The following DAPK3 variants were observed in gnomAD, a reference collection of about 807,000 sequenced individuals.
DAPK3 encodes death associated protein kinase 3, also known as death-associated protein kinase 3.
In DAPK3, 24 loss-of-function variants were observed where a neutral mutation model predicts 30.6. The observed-to-expected ratio is 0.78, with a 90% CI of 0.57 to 1.10. The LOEUF is 1.10. DAPK3 is among the 50% of genes least tolerant of loss of function. The pLI is 0.00. For synonymous variants in DAPK3, 341 were observed against 284.0 expected (o/e 1.20, Z -2.02); for missense variants, 629 against 657.3 (o/e 0.96, Z 0.47).
rs533512092 is a variant in DAPK3, at chr19:3,960,648, G to C, written c.782+361C>G. ...ACAAAAATTAGCCAGGCGTGGTGGC[G>C]GGCGTCTATAATCCCAGCTACTTGG... On this transcript the variant is annotated intron_variant, in intron 7 of 8. Coordinates refer to ENST00000545797, the MANE Select transcript of DAPK3 (RefSeq NM_001348.3). Among the ~76,000 whole-genome samples the C allele has an allele frequency of 6.6e-5, 10 of 151,896 alleles. 2 individuals are homozygous for C. Among genetic ancestry groups the C allele is most frequent in the Admixed American group, 6.6e-4 (10 of 15,238 alleles).
At chr19:3,959,905 C>G in intron 8 of DAPK3, 154 bp downstream of exon 8, 1 of 676,006 alleles carries the variant, frequency 1.5e-6, no homozygotes, top group South Asian at 1.7e-5. Flanking sequence ...CGCCCAGGAC[C>G]CAACCCCCGC....
chr19:3,964,962 C>CGG lies in DAPK3; in HGVS notation c.90_91dup (p.Arg31ProfsTer27). On this transcript the variant is annotated frameshift_variant, in exon 3 of 9. Transcript: ENST00000545797. LOFTEE classifies it high-confidence loss of function. ...GTACTCCTTGCCCGTGCCCTTCTGC[C>CGG]GGCACTTCCGCACGATCGCAAACTG... 6.2e-7 allele frequency: 1 copy of CGG among 1,609,734 alleles called. No individual in the cohort carries two copies. Among genetic ancestry groups the CGG allele is most frequent in the Non-Finnish European group, 8.5e-7 (1 of 1,177,740 alleles).
chr19:3,961,541 A>G (rs756962558), intron 6 of DAPK3: 1 of 498,598 alleles, frequency 2.0e-6, no homozygotes, highest in East Asian at 5.9e-5. Flanking sequence ...CCCGGCAGTG[A>G]GAGGCCCCAA....
Position 3,959,224 on chromosome 19 carries a change from G to A in DAPK3, c.1242C>T (p.Ser414=). The change falls in exon 9 of 9, where the codon AGC becomes AGT. Residue 414 remains serine (S), a synonymous_variant. Transcript: ENST00000545797. ...LGTSGLKRRF[S]RLENRYEALA... is the part of the protein sequence containing the mutation. ...GCGCCTCGTAGCGGTTCTCCAGGCG[G>A]CTGAAGCGGCGCTTGAGGCCGCTGG... The A allele has an allele frequency of 6.2e-7, 1 of 1,600,354 alleles. No homozygotes were observed. Among genetic ancestry groups the A allele is most frequent in the Non-Finnish European group, 8.5e-7 (1 of 1,178,010 alleles).
chr19:3,959,840 T>C (rs190711922), intron 8 of DAPK3: 24 of 666,384 alleles, frequency 3.6e-5, no homozygotes, highest in Non-Finnish European at 4.8e-5. Flanking sequence ...GTCAGCCCCG[T>C]TGGACACACA....
rs2039549977 is a variant in DAPK3 at position 3,964,232 on chromosome 19, G to A, written c.553+12C>T. 2.5e-6 allele frequency: 4 copies of A among 1,602,952 alleles called. No individual in the cohort carries two copies. In the South Asian group the frequency reaches 4.4e-5, roughly 18 times the overall value. On this transcript the variant is annotated intron_variant, in intron 4 of 8. Transcript: ENST00000545797. Reference sequence around the variant, plus strand: ...TCCCCAGGCCGGGGCTGCCCACTGGGCAGGGCCTCACCCACAAACTCCGGG... The same window carrying A: ...TCCCCAGGCCGGGGCTGCCCACTGGACAGGGCCTCACCCACAAACTCCGGG...
At position 3,958,913 on chromosome 19, in the gene DAPK3, C is replaced by A. The variant is rs769138916; in HGVS notation, c.*188G>T. ...GCGTGGAGGCTGTGTAGAGAAGCAG[C>A]CCCGTCCCACACCCACCCCTGCCTG... On this transcript the variant is annotated 3_prime_UTR_variant, in exon 9 of 9. Coordinates refer to ENST00000545797, the MANE Select transcript of DAPK3 (RefSeq NM_001348.3). The A allele has an allele frequency of 8.6e-6, 5 of 583,186 alleles. No individual in the cohort carries two copies. Among genetic ancestry groups the A allele is most frequent in the Non-Finnish European group, 1.5e-5 (5 of 329,590 alleles). The allele number at this position is 583,186 out of a possible 1,614,324, so 36.1% of individuals were successfully genotyped here. A position where few individuals can be genotyped will look rare whatever the true frequency, so the allele number is the denominator to read the frequency against.
chr19:3,963,605 G>A, intron 6 of DAPK3, 38 bp downstream of exon 6: 2 of 1,390,760 alleles, frequency 1.4e-6, no homozygotes, highest in South Asian at 1.4e-5. Context: ...CATGCCAGCT[G>A]TGTTGCACAG....
rs552077321 is a variant in DAPK3 at position 3,963,894 on chromosome 19, C to G, written c.579G>C (p.Pro193=). 1.9e-6 allele frequency: 3 copies of G among 1,602,920 alleles called. No homozygotes were observed. The East Asian group carries it at 6.7e-5, about 36-fold the overall frequency. The change falls in exon 5 of 9, where the codon CCG becomes CCC. Residue 193 remains proline (P), a synonymous_variant. Coordinates refer to ENST00000545797, the MANE Select transcript of DAPK3 (RefSeq NM_001348.3). ...FVAPEIVNYE[P]LGLEADMWSI... is the part of the protein sequence containing the mutation. ...ACCACATGTCCGCCTCCAGGCCCAG[C>G]GGCTCATAGTTCACAATCTCTGGGG...
At chr19:3,968,135 G>T (rs558658122) in intron 2 of DAPK3, among the ~76,000 whole-genome samples, 9 of 152,334 alleles carry the variant, frequency 5.9e-5, no homozygotes, top group African/African-American at 2.2e-4. Context: ...GCCCTGCCTG[G>T]TTCTTTTTAC....
rs1236942881 is a variant in DAPK3 at position 3,964,319 on chromosome 19, T to C, written c.478A>G (p.Ile160Val). The change falls in exon 4 of 9, where the codon ATC (isoleucine) becomes GTC (valine). Residue 160 changes from isoleucine to valine, a missense_variant. Coordinates refer to ENST00000545797, the MANE Select transcript of DAPK3 (RefSeq NM_001348.3). ...ATCTTGTGCGCGATGCCGAAGTCGATGAGCTTGATTCGTGGGTTGGGCACG... is the reference window on the plus strand; with the variant it reads ...ATCTTGTGCGCGATGCCGAAGTCGACGAGCTTGATTCGTGGGTTGGGCACG... ...KNVPNPRIKLIDFGIAHKIEA... is the reference protein window; with the variant it reads ...KNVPNPRIKLVDFGIAHKIEA... The C allele has an allele frequency of 6.2e-7, 1 of 1,611,268 alleles. No individual in the cohort carries two copies. Among genetic ancestry groups the C allele is most frequent in the African/African-American group, 1.3e-5 (1 of 74,840 alleles).
rs991187490 is a variant in DAPK3 at position 3,964,962 on chromosome 19, C to T, written c.92G>A (p.Arg31Gln). 8 of 1,609,734 alleles carry T rather than the reference C, an allele frequency of 5.0e-6. No homozygotes were observed. The highest frequency in any genetic ancestry group is 6.8e-6 in the Non-Finnish European group (8 of 1,177,740). Residue 31 changes from arginine (R) to glutamine (Q), a missense_variant, in exon 3 of 9, where the codon CGG (arginine) becomes CAG (glutamine). Physicochemically the swap from Arg to Gln is conservative, Grantham distance 43. Coordinates refer to ENST00000545797, the MANE Select transcript of DAPK3 (RefSeq NM_001348.3). ...GTACTCCTTGCCCGTGCCCTTCTGCCGGCACTTCCGCACGATCGCAAACTG... is the reference window on the plus strand; with the variant it reads ...GTACTCCTTGCCCGTGCCCTTCTGCTGGCACTTCCGCACGATCGCAAACTG... ...SGQFAIVRKCRQKGTGKEYAA... is the reference protein window; with the variant it reads ...SGQFAIVRKCQQKGTGKEYAA...
rs201255725 is a variant in DAPK3 at position 3,964,778 on chromosome 19, G to A, written c.276C>T (p.Ile92=). 9.4e-5 allele frequency: 152 copies of A among 1,611,796 alleles called. No homozygotes were observed. Among genetic ancestry groups the A allele is most frequent in the Non-Finnish European group, 1.1e-4 (130 of 1,178,302 alleles). The part of the protein sequence containing the change: ...IFENKTDVVL[I]LELVSGGELF... The stretch of plus-strand genomic sequence containing the variant: ...GCTCCCCGCCAGAGACCAGCTCCAG[G>A]ATGAGGACCACGTCCGTCTTGTTCT... The change falls in exon 3 of 9, where the codon ATC becomes ATT. Residue 92 remains isoleucine (I), a synonymous_variant. Coordinates refer to ENST00000545797, the MANE Select transcript of DAPK3 (RefSeq NM_001348.3).
At chr19:3,965,129 T>G (rs1223187698) in intron 2 of DAPK3, 138 bp from the exon 3 acceptor site, 2 of 612,012 alleles carry the variant, frequency 3.3e-6, no homozygotes, top group African/African-American at 3.7e-5. Context: ...AGCTGGCCAC[T>G]GCGGGGGTGC....
chr19:3,961,681 C>T (rs577873854), intron 6 of DAPK3: 13 of 362,606 alleles, frequency 3.6e-5, no homozygotes, highest in African/African-American at 1.1e-4. Context: ...TGGACTCAGA[C>T]GCCTTCTGCA....
Position 3,959,414 on chromosome 19 carries a change from T to A in DAPK3, c.1052A>T (p.Glu351Val). The A allele has an allele frequency of 6.4e-7, 1 of 1,560,346 alleles. No individual in the cohort carries two copies. The highest frequency in any genetic ancestry group is 8.6e-7 in the Non-Finnish European group (1 of 1,160,130). ...GATGGCGGCCAGCGCCTCCACGTCC[T>A]CGTGGCAGAGCCGCCGGCTGCGCTG... is the stretch of plus-strand genomic sequence containing the variant. The part of the protein sequence containing the change: ...ELQRSRRLCH[E>V]DVEALAAIYE... Residue 351 changes from glutamate to valine, a missense_variant, in exon 9 of 9, where the codon GAG becomes GTG. Glu to Val is a moderately radical substitution (Grantham distance 121). Coordinates refer to ENST00000545797, the MANE Select transcript of DAPK3 (RefSeq NM_001348.3).
At chr19:3,962,432 A>T (rs926290562) in intron 6 of DAPK3, among the ~76,000 whole-genome samples, 2 of 152,188 alleles carry the variant, frequency 1.3e-5, no homozygotes, top group African/African-American at 4.8e-5. Flanking sequence ...AGCTATGCCC[A>T]TTCAATATGG....
intron 3 of DAPK3, 116 bp downstream of exon 3, chr19:3,964,515 C>T: frequency 1.5e-6 from 2 of 1,325,276 alleles, no homozygotes; most frequent in South Asian, 1.3e-5. Context: ...CAAACCTCAC[C>T]CCCACGCTCC....
chr19:3,968,641 C>T (rs2039603763), intron 2 of DAPK3, among the ~76,000 whole-genome samples: 1 of 152,130 alleles, frequency 6.6e-6, no homozygotes, highest in Non-Finnish European at 1.5e-5. Flanking sequence ...CCAAACGACC[C>T]CTAGCAGGAG....
Sources: allele counts gnomAD v4.1 joint callset (sites outside exome capture counted in the v4.1 genomes callset), GRCh38; gene constraint gnomAD v4.1.1; transcripts MANE v1.5; gene names NCBI Gene and HGNC (gene_info 2026-07-23, HGNC 2026-07-21).